LTBP2: variants seen among roughly 807,000 people sequenced by gnomAD.
LTBP2 encodes the protein latent-transforming growth factor beta-binding protein 2.
Under a neutral mutation model 210.6 loss-of-function variants are expected in LTBP2, and 103 were observed. The observed-to-expected ratio is 0.49, with a 90% CI of 0.42 to 0.58. The LOEUF is 0.58. Ranked by LOEUF, LTBP2 falls within the 20% of genes least tolerant of loss-of-function variation. The pLI is 0.00. For missense variants in LTBP2, 2,313 were observed against 2,494.5 expected, an observed-to-expected ratio of 0.93 and a Z score of 1.55; for synonymous variants, 1,007 against 1,015.0, an observed-to-expected ratio of 0.99 and a Z score of 0.15.
intron 27 of LTBP2, 47 bp downstream of exon 27, chr14:74,506,651 C>T (rs746195634): frequency 6.2e-7 from 1 of 1,608,392 alleles, no homozygotes; most frequent in South Asian, 1.1e-5. Flanking sequence ...GACCCCAGGG[C>T]CTTCCCTTCC....
intron 3 of LTBP2, among the ~76,000 whole-genome samples, chr14:74,575,510 G>A (rs2088046416): frequency 1.3e-5 from 2 of 152,234 alleles, no homozygotes; most frequent in Non-Finnish European, 2.9e-5. Flanking sequence ...ATAATGTGAA[G>A]GACAACCCCT....
intron 1 of LTBP2, among the ~76,000 whole-genome samples, chr14:74,604,737 C>T (rs543655961): frequency 1.0e-3 from 158 of 152,198 alleles, no homozygotes; most frequent in African/African-American, 3.7e-3. Flanking sequence ...GTGATCCACC[C>T]ACCTCGGCCT....
chr14:74,528,342 G>A lies in LTBP2; in HGVS notation c.2368+141C>T, dbSNP rs2087302082. 4.3e-5 allele frequency: 41 copies of A among 949,808 alleles called. 2 individuals are homozygous for A. In the South Asian group the frequency reaches 5.4e-4, roughly 12 times the overall value. 58.8% of individuals were successfully genotyped at this position (949,808 alleles called of 1,614,324 possible). A position where few individuals can be genotyped will look rare whatever the true frequency, so the allele number is the denominator to read the frequency against. ...CATGAGAGAAGGCTGCCAGGGTTGG[G>A]TGCTGCTGCTCCAAGCTCCCTTTCC... On this transcript the variant is annotated intron_variant, in intron 12 of 35. Transcript: ENST00000261978.
chr14:74,542,440 A>G (rs1595264694), intron 8 of LTBP2, among the ~76,000 whole-genome samples: 1 of 152,358 alleles, frequency 6.6e-6, no homozygotes, highest in South Asian at 2.1e-4. Context: ...GTGTCTGGCC[A>G]CAGGGCTGTT....
intron 3 of LTBP2, among the ~76,000 whole-genome samples, chr14:74,583,801 C>G (rs2088168130): frequency 6.6e-6 from 1 of 152,252 alleles, no homozygotes; most frequent in Non-Finnish European, 1.5e-5. Context: ...TTTGAATGAG[C>G]AGAACACAGT....
rs1215448019 is a variant in LTBP2, at chr14:74,586,562, C to A, written c.566-444G>T. Among the ~76,000 whole-genome samples the A allele has an allele frequency of 6.6e-6, 1 of 152,116 alleles. No individual in the cohort carries two copies. The highest frequency in any genetic ancestry group is 1.5e-5 in the Non-Finnish European group (1 of 68,034). On this transcript the variant is annotated intron_variant, in intron 2 of 35. Coordinates refer to ENST00000261978, the MANE Select transcript of LTBP2 (RefSeq NM_000428.3). The surrounding 1 kb of genome is among the most constrained non-coding windows in gnomAD (Gnocchi z 4.6). ...TGGATGAATGAATCAGTCTCTTTTG[C>A]GGGAAAGGGCCCAACACTGGCCTGA...
At chr14:74,532,044 C>A (rs923654018) in intron 10 of LTBP2, among the ~76,000 whole-genome samples, 3 of 152,194 alleles carry the variant, frequency 2.0e-5, no homozygotes, top group Non-Finnish European at 4.4e-5. Context: ...AAAGGTCACT[C>A]AGCAGCCAAG....
At position 74,498,848 on chromosome 14, in the gene LTBP2, T is replaced by G. The variant is rs1188118698; in HGVS notation, c.*2036A>C. 1 of 228,586 alleles carries G rather than the reference T, an allele frequency of 4.4e-6. No homozygotes were observed. The highest frequency in any genetic ancestry group is 8.7e-6 in the Non-Finnish European group (1 of 115,204). 14.2% of individuals were successfully genotyped at this position (228,586 alleles called of 1,614,324 possible). On this transcript the variant is annotated 3_prime_UTR_variant, in exon 36 of 36. Transcript: ENST00000261978. ...ATGCAACCCTCCCTTTTCCCCTTAATTTGTTTTGGATATCTTTCTTAAGGA... is the reference window on the plus strand; with the variant it reads ...ATGCAACCCTCCCTTTTCCCCTTAAGTTGTTTTGGATATCTTTCTTAAGGA...
At chr14:74,539,947 C>T (rs1191794061) in intron 8 of LTBP2, among the ~76,000 whole-genome samples, 1 of 152,188 alleles carries the variant, frequency 6.6e-6, no homozygotes, top group African/African-American at 2.4e-5. Flanking sequence ...TAAGGGGAAC[C>T]TGCCCCTCTG....
At position 74,508,950 on chromosome 14, in the gene LTBP2, C is replaced by T; in HGVS notation, c.3406G>A (p.Val1136Met). ...PSPLGDSCED[V>M]DECEDPQSSC... Reference sequence around the variant, plus strand: ...CTCTGGGGGTCTTCACATTCATCCACATCTGCAGGGCCACACAGGGGAGGA... The same window carrying T: ...CTCTGGGGGTCTTCACATTCATCCATATCTGCAGGGCCACACAGGGGAGGA... Residue 1136 changes from valine to methionine, a missense_variant and splice_region_variant, in exon 23 of 36, where the codon GTG (valine) becomes ATG (methionine). Physicochemically the swap from Val to Met is conservative, Grantham distance 21. Transcript: ENST00000261978. 1 of 1,613,556 alleles carries T rather than the reference C, an allele frequency of 6.2e-7. No homozygotes were observed. The highest frequency in any genetic ancestry group is 1.1e-5 in the South Asian group (1 of 91,084).
intron 3 of LTBP2, among the ~76,000 whole-genome samples, chr14:74,582,022 T>G (rs561965165): frequency 2.3e-4 from 34 of 150,030 alleles, no homozygotes; most frequent in South Asian, 1.5e-3. Context: ...GGTTGTTGTT[T>G]TTTTTTTTTT....
intron 2 of LTBP2, among the ~76,000 whole-genome samples, chr14:74,598,250 A>G (rs890236467): frequency 2.0e-5 from 3 of 152,186 alleles, no homozygotes; most frequent in Admixed American, 6.5e-5. Context: ...GCCAAGGAGG[A>G]GCTCAGATCA....
chr14:74,599,829 G>T (rs1424949884), intron 2 of LTBP2, among the ~76,000 whole-genome samples: 1 of 152,230 alleles, frequency 6.6e-6, no homozygotes. Context: ...CCCTGAGCAT[G>T]GGCAGTGGGT....
chr14:74,609,570 A>G (rs2088576483), intron 1 of LTBP2, among the ~76,000 whole-genome samples: 1 of 152,116 alleles, frequency 6.6e-6, no homozygotes, highest in South Asian at 2.1e-4. Flanking sequence ...CAGTGCCAAC[A>G]GTAAAAAGCC....
At chr14:74,558,706 A>C (rs2087758803) in intron 3 of LTBP2, among the ~76,000 whole-genome samples, 1 of 152,178 alleles carries the variant, frequency 6.6e-6, no homozygotes, top group Non-Finnish European at 1.5e-5. Context: ...TGCTGCTGTC[A>C]GTTTTTTCTC....
intron 31 of LTBP2, 126 bp from the exon 32 acceptor site, chr14:74,503,732 C>G: frequency 7.4e-7 from 1 of 1,358,076 alleles, no homozygotes; most frequent in Non-Finnish European, 9.6e-7. Flanking sequence ...CTCAACCCAG[C>G]CCAGCCTGGA....
At chr14:74,540,421 C>G (rs532552138) in intron 8 of LTBP2, among the ~76,000 whole-genome samples, 1 of 151,818 alleles carries the variant, frequency 6.6e-6, no homozygotes, top group Non-Finnish European at 1.5e-5. Context: ...GGCAGTGAGT[C>G]GAGATCATGC....
intron 11 of LTBP2, 94 bp from the exon 12 acceptor site, chr14:74,528,792 T>A: frequency 6.5e-7 from 1 of 1,537,068 alleles, no homozygotes; most frequent in Non-Finnish European, 8.9e-7. Flanking sequence ...ACACGGCAAT[T>A]GTGGCAGCAA....
chr14:74,581,877 G>A (rs1202782721), intron 3 of LTBP2, among the ~76,000 whole-genome samples: 3 of 152,076 alleles, frequency 2.0e-5, no homozygotes, highest in African/African-American at 4.8e-5. Context: ...GAGAGGGAGC[G>A]ACCAGGCAGG....
Sources: allele counts gnomAD v4.1 joint callset (sites outside exome capture counted in the v4.1 genomes callset), GRCh38; gene constraint gnomAD v4.1.1; non-coding constraint Gnocchi (gnomAD v3.1); transcripts MANE v1.5; gene names NCBI Gene and HGNC (gene_info 2026-07-23, HGNC 2026-07-21).